LRMDA: variants seen among roughly 807,000 people sequenced by gnomAD.
The protein encoded by LRMDA is leucine-rich melanocyte differentiation-associated protein.
LRMDA carries 18 observed loss-of-function variants against 29.8 expected under a neutral mutation model. That is an observed-to-expected ratio of 0.60 (90% CI 0.42 to 0.90). The LOEUF is 0.90. Ranked by LOEUF, LRMDA falls within the 40% of genes least tolerant of loss-of-function variation. The pLI is 0.00. For synonymous variants in LRMDA, 125 were observed against 109.4 expected (o/e 1.14, Z -0.89); for missense variants, 273 against 273.9 (o/e 1.00, Z 0.02).
chr10:75,465,474 C>A (rs768397805), intron 2 of LRMDA, among the ~76,000 whole-genome samples: 13 of 152,152 alleles, frequency 8.5e-5, no homozygotes, highest in Non-Finnish European at 1.8e-4. Context: ...ATAGGAAGAC[C>A]ATTTTACGTG....
chr10:75,639,400 G>A (rs1018428869), intron 2 of LRMDA, among the ~76,000 whole-genome samples: 7 of 152,220 alleles, frequency 4.6e-5, no homozygotes, highest in South Asian at 2.1e-4. Context: ...AAGGGGAGCC[G>A]AAACAGTTTG....
rs188032215 is a variant in LRMDA at position 76,482,542 on chromosome 10, C to A, written c.602-74667C>A. Among the ~76,000 whole-genome samples the A allele has an allele frequency of 6.6e-4, 101 of 151,990 alleles. 1 individual carries two copies. The highest frequency in any genetic ancestry group is 1.2e-3 in the South Asian group (6 of 4,830). ...GCAGAACTTTGTTCATTCTGATTGTCTAGTATGTGCTGGATGAATATTTCA... is the reference window on the plus strand; with the variant it reads ...GCAGAACTTTGTTCATTCTGATTGTATAGTATGTGCTGGATGAATATTTCA... On this transcript the variant is annotated intron_variant, in intron 6 of 6. Transcript: ENST00000611255.
At chr10:75,751,373 G>A (rs1402048274) in intron 2 of LRMDA, among the ~76,000 whole-genome samples, 1 of 151,770 alleles carries the variant, frequency 6.6e-6, no homozygotes, top group East Asian at 1.9e-4. Flanking sequence ...GAGGGGGAGT[G>A]GGAGAGGGAG....
intron 6 of LRMDA, among the ~76,000 whole-genome samples, chr10:76,389,861 A>G (rs1841702418): frequency 6.6e-6 from 1 of 152,034 alleles, no homozygotes; most frequent in Non-Finnish European, 1.5e-5. Flanking sequence ...CATTTTGTTT[A>G]TTCATTCATC....
chr10:75,620,222 A>G (rs1416515531), intron 2 of LRMDA, among the ~76,000 whole-genome samples: 2 of 152,234 alleles, frequency 1.3e-5, no homozygotes, highest in Non-Finnish European at 2.9e-5. Flanking sequence ...ATCTTGATTA[A>G]CAGTATCAGA....
chr10:75,706,536 T>C (rs1417958978), intron 2 of LRMDA, among the ~76,000 whole-genome samples: 2 of 152,186 alleles, frequency 1.3e-5, no homozygotes, highest in East Asian at 1.9e-4. Context: ...TCAAAAGTCA[T>C]GTGGATGATA....
chr10:75,640,624 T>G (rs1415172226), intron 2 of LRMDA, among the ~76,000 whole-genome samples: 2 of 151,924 alleles, frequency 1.3e-5, no homozygotes, highest in East Asian at 3.9e-4. Context: ...GGGAGGGAAA[T>G]AAATTAGAGG....
chr10:76,413,633 CA>C (rs1212833320), intron 6 of LRMDA, among the ~76,000 whole-genome samples: 1 of 152,052 alleles, frequency 6.6e-6, no homozygotes, highest in Admixed American at 6.5e-5. Flanking sequence ...AGGACACAGC[CA>C]AACCATATCA....
chr10:76,218,895 G>A (rs1282049441), intron 5 of LRMDA, among the ~76,000 whole-genome samples: 1 of 152,236 alleles, frequency 6.6e-6, no homozygotes, highest in Non-Finnish European at 1.5e-5. Flanking sequence ...GGAGCAGCCA[G>A]TGTGATAGCA....
chr10:75,493,276 G>A (rs976905202), intron 2 of LRMDA, among the ~76,000 whole-genome samples: 3 of 152,016 alleles, frequency 2.0e-5, no homozygotes, highest in Admixed American at 6.6e-5. Flanking sequence ...AGGTTGGGAA[G>A]TGAGCGGAAT....
intron 5 of LRMDA, among the ~76,000 whole-genome samples, chr10:76,254,500 A>G (rs1221294218): frequency 6.6e-6 from 1 of 152,160 alleles, no homozygotes; most frequent in Non-Finnish European, 1.5e-5. Context: ...GTTCCAAAAT[A>G]TGCAAAGTTA....
At chr10:76,302,409 G>C (rs745625424) in intron 5 of LRMDA, among the ~76,000 whole-genome samples, 7 of 152,176 alleles carry the variant, frequency 4.6e-5, no homozygotes, top group Non-Finnish European at 8.8e-5. Context: ...CCATGTTTCA[G>C]GGTCACTTCC....
At chr10:76,361,075 A>G (rs1263444963) in intron 6 of LRMDA, among the ~76,000 whole-genome samples, 1 of 152,054 alleles carries the variant, frequency 6.6e-6, no homozygotes, top group Non-Finnish European at 1.5e-5. Context: ...AGCCTGGGCA[A>G]CAAGGTGAAA....
intron 5 of LRMDA, among the ~76,000 whole-genome samples, chr10:76,285,240 C>T (rs967855308): frequency 1.3e-5 from 2 of 152,072 alleles, no homozygotes; most frequent in Non-Finnish European, 2.9e-5. Flanking sequence ...TCAGTTTTTT[C>T]CACAACTCAA....
intron 6 of LRMDA, among the ~76,000 whole-genome samples, chr10:76,378,858 C>CT (rs144037195): frequency 0.87 from 103,056 of 118,992 alleles, 45,275 homozygotes; most frequent in Non-Finnish European, 0.91. Context: ...CTTTTTTTTT[C>CT]TTTTTTTTTT....
At chr10:76,038,759 T>G (rs1049641594) in intron 3 of LRMDA, among the ~76,000 whole-genome samples, 1 of 152,222 alleles carries the variant, frequency 6.6e-6, no homozygotes, top group African/African-American at 2.4e-5. Context: ...TGCCACCCCA[T>G]GAAATGCTTT....
rs368839294 is a variant in LRMDA at position 76,438,096 on chromosome 10, G to A, written c.601+113611G>A. Among the ~76,000 whole-genome samples, 24 of 152,252 alleles carry A rather than the reference G, an allele frequency of 1.6e-4. 1 individual carries two copies. In the East Asian group the frequency reaches 3.1e-3, roughly 20 times the overall value. On this transcript the variant is annotated intron_variant, in intron 6 of 6. Transcript: ENST00000611255. ...CCAAAGACATTATCAAAACACAGACGTGTGGTGATGCAGGAAGCCTGAGAA... is the reference window on the plus strand; with the variant it reads ...CCAAAGACATTATCAAAACACAGACATGTGGTGATGCAGGAAGCCTGAGAA...
At chr10:75,689,243 A>G (rs1369906147) in intron 2 of LRMDA, among the ~76,000 whole-genome samples, 1 of 152,262 alleles carries the variant, frequency 6.6e-6, no homozygotes, top group Non-Finnish European at 1.5e-5. Context: ...CCAACGGCAC[A>G]TCGGATCCTA....
chr10:76,485,576 C>T (rs1462844544), intron 6 of LRMDA, among the ~76,000 whole-genome samples: 2 of 151,736 alleles, frequency 1.3e-5, no homozygotes, highest in African/African-American at 4.8e-5. Context: ...TTTTATTTTA[C>T]CTTTGTTTAT....
Sources: allele counts gnomAD v4.1 joint callset (sites outside exome capture counted in the v4.1 genomes callset), GRCh38; gene constraint gnomAD v4.1.1; transcripts MANE v1.5; gene names NCBI Gene and HGNC (gene_info 2026-07-23, HGNC 2026-07-21).